MYO3B: variants seen among roughly 807,000 people sequenced by gnomAD.
The protein encoded by MYO3B is myosin-IIIb.
A neutral mutation model predicts 174.6 loss-of-function variants in MYO3B; 156 were observed. That is an observed-to-expected ratio of 0.89 (90% CI 0.78 to 1.02). The LOEUF is 1.02. MYO3B is among the 50% of genes least tolerant of loss of function. The pLI is 0.00. For missense variants in MYO3B, 1,632 were observed against 1,639.4 expected (o/e 1.00, Z 0.08); for synonymous variants, 563 against 569.1 (o/e 0.99, Z 0.15).
At position 170,651,638 on chromosome 2, in the gene MYO3B, T is replaced by C; in HGVS notation, c.3744T>C (p.Asn1248=). The C allele has an allele frequency of 6.2e-7, 1 of 1,614,012 alleles. No individual in the cohort carries two copies. The highest frequency in any genetic ancestry group is 1.1e-5 in the South Asian group (1 of 91,076). The change falls in exon 33 of 35, where the codon AAT becomes AAC. Residue 1248 remains asparagine, a synonymous_variant. Transcript: ENST00000408978. The stretch of plus-strand genomic sequence containing the variant: ...TTGCTCTTTTTTCAGGTTCAGAAAA[T>C]GGTCTTGCACAGAAGCATCGAACAC... ...WGAPQKPGSE[N]GLAQKHRTPR...
At chr2:170,333,513 A>G (rs1393788581) in intron 7 of MYO3B, among the ~76,000 whole-genome samples, 1 of 152,214 alleles carries the variant, frequency 6.6e-6, no homozygotes, top group East Asian at 1.9e-4. Context: ...CAGATAAATC[A>G]TCTCCTTCCT....
chr2:170,181,184 CT>C (rs1038274175), intron 1 of MYO3B, among the ~76,000 whole-genome samples: 1 of 151,892 alleles, frequency 6.6e-6, no homozygotes, highest in Non-Finnish European at 1.5e-5. Flanking sequence ...GATAAAGATT[CT>C]TTTTTTCTTT....
At chr2:170,371,858 G>A (rs574414744) in intron 9 of MYO3B, among the ~76,000 whole-genome samples, 9 of 133,718 alleles carry the variant, frequency 6.7e-5, no homozygotes, top group African/African-American at 1.5e-4. Context: ...ATCCCAGCAC[G>A]TTGGGAGGCT....
At chr2:170,515,552 C>T (rs193119188) in intron 29 of MYO3B, among the ~76,000 whole-genome samples, 54 of 152,170 alleles carry the variant, frequency 3.5e-4, no homozygotes, top group African/African-American at 1.2e-3. Flanking sequence ...GCTCCAGTCA[C>T]GGTAACATGA....
chr2:170,586,978 G>T (rs1693530701), intron 32 of MYO3B, among the ~76,000 whole-genome samples: 1 of 152,148 alleles, frequency 6.6e-6, no homozygotes, highest in South Asian at 2.1e-4. Context: ...CAATTCGTAT[G>T]GATTTTCTCC....
chr2:170,572,038 G>A (rs1692469535), intron 32 of MYO3B, among the ~76,000 whole-genome samples: 2 of 152,128 alleles, frequency 1.3e-5, no homozygotes, highest in Admixed American at 6.5e-5. Flanking sequence ...TCAACCAGGA[G>A]CAGTGGCTCA....
intron 22 of MYO3B, among the ~76,000 whole-genome samples, chr2:170,414,282 G>T (rs1283361247): frequency 6.6e-6 from 1 of 151,974 alleles, no homozygotes; most frequent in Non-Finnish European, 1.5e-5. Context: ...CCATCTCCCA[G>T]GTTCAAGCAA....
In MYO3B at chr2:170,281,423, G is replaced by A. The variant is rs192486849; in HGVS notation, c.749+45287G>A. Among the ~76,000 whole-genome samples the A allele has an allele frequency of 8.9e-4, 135 of 152,126 alleles. 2 individuals are homozygous for A. The South Asian group carries it at 0.018, about 21-fold the overall frequency. On this transcript the variant is annotated intron_variant, in intron 7 of 34. Coordinates refer to ENST00000408978, the MANE Select transcript of MYO3B (RefSeq NM_138995.5). ...CCAAAATCACACCAAACACACTCTT[G>A]GACCACAGTGCAATAAAAATAGGAT...
intron 25 of MYO3B, among the ~76,000 whole-genome samples, chr2:170,492,053 C>CAA (rs60053193): frequency 2.7e-4 from 30 of 111,118 alleles, no homozygotes; most frequent in South Asian, 7.8e-4. Context: ...GACTCCGTCT[C>CAA]AAAAAAAAAA....
At chr2:170,456,206 C>G (rs1343439220) in intron 23 of MYO3B, among the ~76,000 whole-genome samples, 2 of 151,986 alleles carry the variant, frequency 1.3e-5, no homozygotes, top group African/African-American at 4.8e-5. Context: ...ATTTAATGGC[C>G]TTGAAGAACA....
At chr2:170,394,532 T>C (rs1158695704) in intron 16 of MYO3B, among the ~76,000 whole-genome samples, 1 of 152,140 alleles carries the variant, frequency 6.6e-6, no homozygotes. Context: ...AATGAATGAC[T>C]GTATGAATAA....
At chr2:170,250,943 G>A (rs1387269108) in intron 7 of MYO3B, among the ~76,000 whole-genome samples, 1 of 151,736 alleles carries the variant, frequency 6.6e-6, no homozygotes, top group East Asian at 2.0e-4. Flanking sequence ...TCTCCTTCTG[G>A]AGCCTGGGGT....
intron 32 of MYO3B, among the ~76,000 whole-genome samples, chr2:170,548,334 G>A (rs892339882): frequency 1.3e-5 from 2 of 152,136 alleles, no homozygotes; most frequent in Non-Finnish European, 2.9e-5. Flanking sequence ...GAGCCAGATA[G>A]TGCAGGTTCG....
chr2:170,541,734 TG>T (rs1690122116), intron 30 of MYO3B, among the ~76,000 whole-genome samples: 1 of 152,170 alleles, frequency 6.6e-6, no homozygotes, highest in African/African-American at 2.4e-5. Flanking sequence ...TACCAGGCAC[TG>T]GGTAGGTGCT....
At chr2:170,211,504 C>G (rs1004049661) in intron 3 of MYO3B, among the ~76,000 whole-genome samples, 5 of 152,060 alleles carry the variant, frequency 3.3e-5, no homozygotes, top group Non-Finnish European at 2.9e-5. Flanking sequence ...TCACTGTGAG[C>G]GTATGCGGTA....
At chr2:170,308,957 G>A (rs1474670025) in intron 7 of MYO3B, among the ~76,000 whole-genome samples, 1 of 152,174 alleles carries the variant, frequency 6.6e-6, no homozygotes, top group Non-Finnish European at 1.5e-5. Context: ...AGACTGAAGA[G>A]GTTATGCCCT....
At chr2:170,434,670 G>C (rs191464396) in intron 22 of MYO3B, among the ~76,000 whole-genome samples, 43 of 152,308 alleles carry the variant, frequency 2.8e-4, no homozygotes, top group African/African-American at 1.0e-3. Flanking sequence ...ATTGAAAAAG[G>C]TTGCTTTACG....
chr2:170,585,427 G>GA (rs1034175858), intron 32 of MYO3B, among the ~76,000 whole-genome samples: 19 of 150,908 alleles, frequency 1.3e-4, no homozygotes, highest in African/African-American at 2.4e-4. Context: ...GCTTCAGACA[G>GA]AAAAAAAAAG....
intron 8 of MYO3B, chr2:170,349,924 A>C (rs1034625967): frequency 2.6e-5 from 4 of 152,236 alleles, no homozygotes; most frequent in African/African-American, 9.7e-5. Flanking sequence ...AATGATAAGG[A>C]AGAGAATAAG....
Sources: gnomAD v4.1 joint callset for allele counts (sites outside exome capture counted in the v4.1 genomes callset) on GRCh38, gnomAD v4.1.1 for gene constraint, MANE v1.5 for transcripts, NCBI Gene and HGNC (gene_info 2026-07-23, HGNC 2026-07-21) for gene names.